PTPRM: variants seen among roughly 807,000 people sequenced by gnomAD.
PTPRM encodes the protein protein tyrosine phosphatase receptor type M, also known as receptor-type tyrosine-protein phosphatase mu.
A neutral mutation model predicts 186.7 loss-of-function variants in PTPRM; 47 were observed. That is an observed-to-expected ratio of 0.25 (90% CI 0.20 to 0.32). The LOEUF is 0.32. PTPRM is among the 10% of genes least tolerant of loss of function. The probability of loss-of-function intolerance (pLI) is 1.00; values close to 1 mark genes in which losing one functional copy is unlikely to be tolerated. For synonymous variants in PTPRM, 668 were observed against 674.9 expected (o/e 0.99, Z 0.16); for missense variants, 1,494 against 1,865.0 (o/e 0.80, Z 3.66).
chr18:8,247,896 C>T lies in PTPRM; in HGVS notation c.2504C>T (p.Ser835Leu), dbSNP rs2094492634. 14 of 1,602,094 alleles carry T rather than the reference C, an allele frequency of 8.7e-6. No individual in the cohort carries two copies. Among genetic ancestry groups the T allele is most frequent in the Middle Eastern group, 3.3e-4 (2 of 6,048 alleles). The change falls in exon 16 of 33, where the codon TCG becomes TTG. Residue 835 changes from serine to leucine, a missense_variant. Physicochemically the swap from Ser to Leu is moderately radical, Grantham distance 145 (BLOSUM62 -2). This residue lies in a region of PTPRM where 1,107 missense variants were observed against 1,350.2 expected (regional missense o/e 0.82). Coordinates refer to ENST00000580170, the MANE Select transcript of PTPRM (RefSeq NM_001105244.2). Reference protein sequence around the residue: ...FTMKTNTLSTSVPNSYYPDPF... With the variant: ...FTMKTNTLSTLVPNSYYPDPF... ...ATGAAAACAAATACACTGAGCACAT[C>T]GGTGCCTAATTCCTATTACCCAGGT...
chr18:7,817,823 C>T (rs1400429829), intron 2 of PTPRM, among the ~76,000 whole-genome samples: 1 of 152,156 alleles, frequency 6.6e-6, no homozygotes, highest in African/African-American at 2.4e-5. Flanking sequence ...TGTCGTGTTC[C>T]TGTGTGCTGT....
chr18:7,801,449 A>G (rs1328598555), intron 2 of PTPRM, among the ~76,000 whole-genome samples: 1 of 152,156 alleles, frequency 6.6e-6, no homozygotes, highest in Non-Finnish European at 1.5e-5. Context: ...AGTAACATGC[A>G]TAGAGCTGTC....
At position 8,093,123 on chromosome 18, in the gene PTPRM, GT is replaced by G. The variant is rs1195729789; in HGVS notation, c.1856+4283del. On this transcript the variant is annotated intron_variant, in intron 11 of 32. Transcript: ENST00000580170. Reference sequence around the variant, plus strand: ...TTCAAGGTTATGAAGCATAAAGCATGTTTTTTTTTTTCTCAAGCAGCAGCAA... The same window carrying G: ...TTCAAGGTTATGAAGCATAAAGCATGTTTTTTTTTTCTCAAGCAGCAGCAA... Among the ~76,000 whole-genome samples, 242 of 147,616 alleles carry G rather than the reference GT, an allele frequency of 1.6e-3. 2 individuals are homozygous for G. The highest frequency in any genetic ancestry group is 4.6e-3 in the East Asian group (23 of 5,050).
At chr18:8,303,214 G>T (rs1230083906) in intron 20 of PTPRM, among the ~76,000 whole-genome samples, 1 of 152,108 alleles carries the variant, frequency 6.6e-6, no homozygotes, top group African/African-American at 2.4e-5. Context: ...TGTCCTGTTG[G>T]TAGATCTAGT....
intron 30 of PTPRM, among the ~76,000 whole-genome samples, chr18:8,386,109 G>A (rs1041979587): frequency 6.6e-6 from 1 of 152,102 alleles, no homozygotes; most frequent in African/African-American, 2.4e-5. Context: ...TGTGGAGAGA[G>A]GATCAGAAGC....
chr18:7,869,660 G>A (rs574793774), intron 2 of PTPRM, among the ~76,000 whole-genome samples: 7 of 152,218 alleles, frequency 4.6e-5, no homozygotes, highest in South Asian at 2.1e-4. Flanking sequence ...GCCAGCCATC[G>A]ATCAGTTTTT....
chr18:7,904,967 G>C (rs1390636586), intron 3 of PTPRM, among the ~76,000 whole-genome samples: 1 of 151,966 alleles, frequency 6.6e-6, no homozygotes, highest in Non-Finnish European at 1.5e-5. Flanking sequence ...CCCTTTTACT[G>C]GTTCTTTCTT....
At chr18:8,227,635 C>T (rs1005605369) in intron 14 of PTPRM, among the ~76,000 whole-genome samples, 1 of 152,122 alleles carries the variant, frequency 6.6e-6, no homozygotes, top group East Asian at 1.9e-4. Flanking sequence ...AATTTTTTAG[C>T]GAGTTTAACA....
chr18:7,890,144 TG>T (rs1202278510), intron 3 of PTPRM, among the ~76,000 whole-genome samples: 5 of 152,234 alleles, frequency 3.3e-5, no homozygotes, highest in South Asian at 2.1e-4. Flanking sequence ...ACTCAATTAA[TG>T]GCCAACTACG....
At chr18:7,992,537 T>G (rs905392290) in intron 7 of PTPRM, among the ~76,000 whole-genome samples, 1 of 152,212 alleles carries the variant, frequency 6.6e-6, no homozygotes, top group Non-Finnish European at 1.5e-5. Context: ...AGGTAGACAG[T>G]AGATCCAGGG....
At chr18:7,973,327 C>T (rs1284304875) in intron 7 of PTPRM, among the ~76,000 whole-genome samples, 2 of 152,130 alleles carry the variant, frequency 1.3e-5, no homozygotes, top group Non-Finnish European at 2.9e-5. Flanking sequence ...TTCTACAAGG[C>T]TCTATCAAGT....
intron 2 of PTPRM, among the ~76,000 whole-genome samples, chr18:7,783,748 T>TTTTGTG (rs71354568): frequency 6.8e-6 from 1 of 146,620 alleles, no homozygotes; most frequent in Admixed American, 6.8e-5. Flanking sequence ...ATTTTTAATT[T>TTTTGTG]TGTGTGTGTG....
chr18:7,844,685 A>T (rs2046506633), intron 2 of PTPRM, among the ~76,000 whole-genome samples: 2 of 151,654 alleles, frequency 1.3e-5, no homozygotes, highest in South Asian at 4.2e-4. Flanking sequence ...TGTCTGAGTC[A>T]CTCCTCCTCT....
chr18:7,810,289 T>A (rs2145470344), intron 2 of PTPRM, among the ~76,000 whole-genome samples: 1 of 152,336 alleles, frequency 6.6e-6, no homozygotes, highest in African/African-American at 2.4e-5. Context: ...CAAACTGAAT[T>A]TTCCCCTGGT....
intron 7 of PTPRM, among the ~76,000 whole-genome samples, chr18:8,038,467 A>G (rs187523684): frequency 1.7e-3 from 252 of 150,522 alleles, no homozygotes; most frequent in African/African-American, 3.9e-3. Flanking sequence ...TCTCAGCTCA[A>G]TGCAACCTCC....
At chr18:7,652,267 G>T (rs1010860873) in intron 1 of PTPRM, among the ~76,000 whole-genome samples, 1 of 152,170 alleles carries the variant, frequency 6.6e-6, no homozygotes, top group Non-Finnish European at 1.5e-5. Flanking sequence ...GTGCTGGAGA[G>T]GATGTAGAGA....
At chr18:7,660,272 G>A (rs974384129) in intron 1 of PTPRM, among the ~76,000 whole-genome samples, 33 of 152,108 alleles carry the variant, frequency 2.2e-4, no homozygotes, top group Non-Finnish European at 3.7e-4. Flanking sequence ...GGAGGCTGAG[G>A]TTACAGTGAG....
At chr18:8,326,111 C>T (rs1248884946) in intron 22 of PTPRM, among the ~76,000 whole-genome samples, 2 of 152,122 alleles carry the variant, frequency 1.3e-5, no homozygotes, top group African/African-American at 2.4e-5. Flanking sequence ...AATGTTTTCT[C>T]CCATTCTGTA....
intron 22 of PTPRM, among the ~76,000 whole-genome samples, chr18:8,332,725 G>T (rs544846742): frequency 1.3e-5 from 2 of 152,252 alleles, no homozygotes; most frequent in South Asian, 4.1e-4. Flanking sequence ...GCCAGGTGAG[G>T]GGAAAAGACT....
Sources: gnomAD v4.1 joint callset for allele counts (sites outside exome capture counted in the v4.1 genomes callset) on GRCh38, gnomAD v4.1.1 for gene constraint, gnomAD v4.1.1 regional missense constraint, MANE v1.5 for transcripts, NCBI Gene and HGNC (gene_info 2026-07-23, HGNC 2026-07-21) for gene names.